The following AGBL4 variants were observed in gnomAD, a reference collection of about 807,000 sequenced individuals.
AGBL4 encodes the protein AGBL carboxypeptidase 4.
A neutral mutation model predicts 66.4 loss-of-function variants in AGBL4; 58 were observed. The ratio of observed to expected loss-of-function variants is 0.87; its 90% confidence interval spans 0.71 to 1.09. The LOEUF (loss-of-function observed/expected upper bound fraction) is 1.09. AGBL4 is among the 50% of genes least tolerant of loss of function. The pLI is 0.00. For synonymous variants in AGBL4, 234 were observed against 222.9 expected, an observed-to-expected ratio of 1.05 and a Z score of -0.44; for missense variants, 579 against 631.0, an observed-to-expected ratio of 0.92 and a Z score of 0.88.
intron 5 of AGBL4, among the ~76,000 whole-genome samples, chr1:49,033,708 T>C (rs1664412004): frequency 6.6e-6 from 1 of 152,094 alleles, no homozygotes. Flanking sequence ...TATCTTTACA[T>C]TTGCTCAATC....
chr1:49,938,519 A>G (rs1377963114), intron 1 of AGBL4, among the ~76,000 whole-genome samples: 6 of 152,218 alleles, frequency 3.9e-5, no homozygotes, highest in Admixed American at 3.3e-4. Context: ...TCCTGATACC[A>G]AAGCCGGGCA....
At chr1:49,452,436 C>T (rs1412934264) in intron 3 of AGBL4, among the ~76,000 whole-genome samples, 2 of 151,792 alleles carry the variant, frequency 1.3e-5, no homozygotes, top group Admixed American at 1.3e-4. Flanking sequence ...GAAACCTTGT[C>T]GAATCTGTGT....
rs184952154 is a variant in AGBL4, at chr1:49,892,646, A to G, written c.35-41128T>C. 3.6e-3 allele frequency among the ~76,000 whole-genome samples: 542 copies of G among 152,258 alleles called. 4 individuals carry two copies. Among genetic ancestry groups the G allele is most frequent in the African/African-American group, 0.013 (520 of 41,552 alleles). On this transcript the variant is annotated intron_variant, in intron 1 of 13. Coordinates refer to ENST00000371839, the MANE Select transcript of AGBL4 (RefSeq NM_032785.4). ...TTAACCATTACCATCTTCATCAAGC[A>G]TCACCCCCTTAATGGTACACTCTGC...
intron 3 of AGBL4, among the ~76,000 whole-genome samples, chr1:49,564,023 C>G (rs2148859114): frequency 6.6e-6 from 1 of 152,162 alleles, no homozygotes; most frequent in East Asian, 1.9e-4. Flanking sequence ...CAACTTCTTC[C>G]TGGTTTAGTC....
At chr1:49,607,639 T>C (rs1216521704) in intron 3 of AGBL4, among the ~76,000 whole-genome samples, 8 of 152,122 alleles carry the variant, frequency 5.3e-5, no homozygotes, top group African/African-American at 1.9e-4. Flanking sequence ...CTGCCTTTAA[T>C]ACACTCTAAT....
At chr1:49,895,998 C>T (rs563180375) in intron 1 of AGBL4, among the ~76,000 whole-genome samples, 40 of 146,508 alleles carry the variant, frequency 2.7e-4, no homozygotes, top group African/African-American at 1.0e-3. Context: ...ACACACTTCA[C>T]ATATAAAGAC....
At chr1:49,828,056 G>C (rs956689186) in intron 2 of AGBL4, among the ~76,000 whole-genome samples, 2 of 151,432 alleles carry the variant, frequency 1.3e-5, no homozygotes, top group African/African-American at 4.8e-5. Flanking sequence ...TTGGAAGGGA[G>C]TTCATAGCTT....
At chr1:49,197,185 A>C (rs1406528163) in intron 4 of AGBL4, among the ~76,000 whole-genome samples, 2 of 152,142 alleles carry the variant, frequency 1.3e-5, no homozygotes, top group East Asian at 3.9e-4. Flanking sequence ...TTCAGTGGCA[A>C]AGAACTCTGT....
chr1:49,284,175 C>T (rs559601632), intron 3 of AGBL4, among the ~76,000 whole-genome samples: 5 of 152,254 alleles, frequency 3.3e-5, no homozygotes, highest in Non-Finnish European at 7.3e-5. Flanking sequence ...GCGGATCTCT[C>T]GGCAGAAACC....
chr1:48,731,212 G>C (rs1030779195), intron 6 of AGBL4, among the ~76,000 whole-genome samples: 5 of 152,004 alleles, frequency 3.3e-5, no homozygotes, highest in African/African-American at 1.2e-4. Context: ...AAATAATTAG[G>C]CTAAAAACAG....
At chr1:48,814,716 A>AT (rs1479027683) in intron 6 of AGBL4, among the ~76,000 whole-genome samples, 2 of 150,246 alleles carry the variant, frequency 1.3e-5, no homozygotes, top group Admixed American at 6.7e-5. Flanking sequence ...AGCTTCTTCC[A>AT]TGTTGCCATA....
At chr1:49,791,148 G>A (rs1041309209) in intron 2 of AGBL4, among the ~76,000 whole-genome samples, 1 of 152,044 alleles carries the variant, frequency 6.6e-6, no homozygotes, top group South Asian at 2.1e-4. Context: ...ATATAATATT[G>A]GCTCTAGACT....
At chr1:49,911,087 G>C (rs1305821304) in intron 1 of AGBL4, among the ~76,000 whole-genome samples, 1 of 152,176 alleles carries the variant, frequency 6.6e-6, no homozygotes, top group East Asian at 1.9e-4. Flanking sequence ...TTGAGATTGA[G>C]ATTATAGATT....
At chr1:48,920,199 A>G (rs1244049237) in intron 5 of AGBL4, among the ~76,000 whole-genome samples, 1 of 152,068 alleles carries the variant, frequency 6.6e-6, no homozygotes, top group Non-Finnish European at 1.5e-5. Context: ...CTGTGCCACT[A>G]ATTTATAGTA....
intron 2 of AGBL4, among the ~76,000 whole-genome samples, chr1:49,837,283 T>C (rs1259857171): frequency 6.6e-6 from 1 of 152,218 alleles, no homozygotes; most frequent in African/African-American, 2.4e-5. Flanking sequence ...AGATGCAGTC[T>C]GGCTATAGCC....
At chr1:48,936,919 A>G (rs1477817095) in intron 5 of AGBL4, among the ~76,000 whole-genome samples, 1 of 152,168 alleles carries the variant, frequency 6.6e-6, no homozygotes, top group Non-Finnish European at 1.5e-5. Flanking sequence ...GCAATTGGGA[A>G]TCTCCCTTAA....
chr1:48,733,564 T>C (rs1648502302), intron 6 of AGBL4, among the ~76,000 whole-genome samples: 1 of 152,166 alleles, frequency 6.6e-6, no homozygotes, highest in Non-Finnish European at 1.5e-5. Context: ...CTCACACAAC[T>C]TGGCAGATGA....
At position 48,543,037 on chromosome 1, in the gene AGBL4, C is replaced by A. The variant is rs572187018; in HGVS notation, c.1268-3299G>T. The stretch of plus-strand genomic sequence containing the variant: ...AGGGATTTCCCCAAATGTTGGGCAC[C>A]TAATGAAGAGCTGGGATTGAAAGTG... On this transcript the variant is annotated intron_variant, in intron 11 of 13. Coordinates refer to ENST00000371839, the MANE Select transcript of AGBL4 (RefSeq NM_032785.4). Among the ~76,000 whole-genome samples the A allele has an allele frequency of 4.6e-5, 7 of 152,276 alleles. No individual in the cohort carries two copies. The South Asian group carries it at 1.5e-3, about 32-fold the overall frequency.
chr1:49,281,022 TA>T (rs894896183), intron 3 of AGBL4, among the ~76,000 whole-genome samples: 1 of 152,224 alleles, frequency 6.6e-6, no homozygotes, highest in African/African-American at 2.4e-5. Flanking sequence ...TGTTGAACAC[TA>T]AGTTCCAAAG....
Sources: allele counts gnomAD v4.1 joint callset (sites outside exome capture counted in the v4.1 genomes callset), GRCh38; gene constraint gnomAD v4.1.1; transcripts MANE v1.5; gene names NCBI Gene and HGNC (gene_info 2026-07-23, HGNC 2026-07-21).